APOL1: variants seen among roughly 807,000 people sequenced by gnomAD.
The protein encoded by APOL1 is apolipoprotein L1.
In APOL1, 17 loss-of-function variants were observed where a neutral mutation model predicts 14.9. That is an observed-to-expected ratio of 1.14 (90% CI 0.78 to 1.71). The LOEUF (loss-of-function observed/expected upper bound fraction) is 1.71. APOL1 is among the 40% of genes most tolerant of loss of function. The pLI is 0.00. For synonymous variants in APOL1, 195 were observed against 184.8 expected (o/e 1.05, Z -0.45); for missense variants, 523 against 485.9 (o/e 1.08, Z -0.72).
At chr22:36,257,230 A>T in intron 3 of APOL1, 89 bp from the exon 4 acceptor site, 1 of 1,604,430 alleles carries the variant, frequency 6.2e-7, no homozygotes, top group East Asian at 2.2e-5. Flanking sequence ...CCCCAGAGAG[A>T]TTTGCAGAGC....
chr22:36,264,640 A>G (rs1248952702), intron 5 of APOL1, among the ~76,000 whole-genome samples: 1 of 152,134 alleles, frequency 6.6e-6, no homozygotes, highest in Non-Finnish European at 1.5e-5. Flanking sequence ...TTATTTCCAT[A>G]TGGAATAAAT....
chr22:36,263,387 G>A (rs1221397292), intron 5 of APOL1, among the ~76,000 whole-genome samples: 1 of 152,242 alleles, frequency 6.6e-6, no homozygotes, highest in African/African-American at 2.4e-5. Flanking sequence ...AGACTGCAAT[G>A]TCTGAGGGCA....
At chr22:36,254,504 C>G (rs2015792505) in intron 1 of APOL1, among the ~76,000 whole-genome samples, 1 of 152,094 alleles carries the variant, frequency 6.6e-6, no homozygotes, top group African/African-American at 2.4e-5. Flanking sequence ...CAGATCTAGG[C>G]TGCAATGAGC....
chr22:36,263,981 G>T (rs1367781075), intron 5 of APOL1, among the ~76,000 whole-genome samples: 1 of 152,166 alleles, frequency 6.6e-6, no homozygotes, highest in African/African-American at 2.4e-5. Flanking sequence ...CAGACAGCAA[G>T]GGGGGAAGAC....
At chr22:36,257,593 C>G (rs564538422) in intron 4 of APOL1, 186 bp downstream of exon 4, 1 of 640,946 alleles carries the variant, frequency 1.6e-6, no homozygotes, top group South Asian at 1.8e-5. Flanking sequence ...TGCATCCTGA[C>G]CTCTCCTTAG....
intron 5 of APOL1, among the ~76,000 whole-genome samples, chr22:36,263,054 T>G (rs1363585021): frequency 6.6e-6 from 1 of 152,208 alleles, no homozygotes. Context: ...TCCATAAAAT[T>G]GCAAATGGCC....
chr22:36,264,367 G>T (rs1252943128), intron 5 of APOL1, among the ~76,000 whole-genome samples: 4 of 152,152 alleles, frequency 2.6e-5, no homozygotes, highest in African/African-American at 9.7e-5. Flanking sequence ...TTCCTACCAG[G>T]CAGGACATTC....
In APOL1 at chr22:36,266,552, G is replaced by A. The variant is rs542285987; in HGVS notation, c.*519G>A. The A allele has an allele frequency of 9.8e-4, 391 of 399,468 alleles. 2 individuals carry two copies. The highest frequency in any genetic ancestry group is 7.5e-3 in the South Asian group (59 of 7,874). 24.7% of individuals were successfully genotyped at this position (399,468 alleles called of 1,614,324 possible). ...CAGGAACATTGGAGCCTGCAATAAG[G>A]GAAAAATGGGAACTGGAGAGTGTGG... On this transcript the variant is annotated 3_prime_UTR_variant, in exon 6 of 6. Coordinates refer to ENST00000397278, the MANE Select transcript of APOL1 (RefSeq NM_003661.4).
Position 36,265,137 on chromosome 22 carries a change from CT to C in APOL1, c.315-11del, listed in dbSNP as rs2016194161. The C allele has an allele frequency of 6.2e-7, 1 of 1,613,452 alleles. No individual in the cohort carries two copies. Among genetic ancestry groups the C allele is most frequent in the Non-Finnish European group, 8.5e-7 (1 of 1,179,818 alleles). ...AAACTGCATTTCTTAATCCTTTAAC[CT>C]TTCCTTGTGCAGGAATGAGGCAGAT... On this transcript the variant is annotated splice_polypyrimidine_tract_variant and intron_variant, in intron 5 of 5. Coordinates refer to ENST00000397278, the MANE Select transcript of APOL1 (RefSeq NM_003661.4).
rs182856542 is a variant in APOL1, at chr22:36,266,107, T to C, written c.*74T>C. On this transcript the variant is annotated 3_prime_UTR_variant, in exon 6 of 6. Transcript: ENST00000397278. The stretch of plus-strand genomic sequence containing the variant: ...GACAAAATGCAAACTTTTTTTTTTT[T>C]CTGAGACAGAGTCTTGCTCTGTCGC... 2.6e-3 allele frequency: 3,801 copies of C among 1,455,126 alleles called. 11 individuals are homozygous for C. Among genetic ancestry groups the C allele is most frequent in the South Asian group, 8.9e-3 (640 of 71,728 alleles). 90.1% of individuals were successfully genotyped at this position (1,455,126 alleles called of 1,614,324 possible).
chr22:36,264,569 T>C (rs2016172508), intron 5 of APOL1, among the ~76,000 whole-genome samples: 1 of 152,128 alleles, frequency 6.6e-6, no homozygotes, highest in Admixed American at 6.5e-5. Context: ...TGCCCTTGAA[T>C]GAGGAGGCAT....
At chr22:36,259,989 T>C in intron 4 of APOL1, 1 of 1,152,768 alleles carries the variant, frequency 8.7e-7, no homozygotes, top group Non-Finnish European at 1.1e-6. Context: ...GTTAAGGAGT[T>C]TAAGGAGAAT....
intron 2 of APOL1, 77 bp from the exon 3 acceptor site, chr22:36,257,006 G>A: frequency 6.6e-7 from 1 of 1,509,816 alleles, no homozygotes; most frequent in Non-Finnish European, 9.1e-7. Flanking sequence ...CTCTATTTCT[G>A]TGTATAGACT....
In APOL1 at chr22:36,266,226, G is replaced by T. The variant is rs2016257406; in HGVS notation, c.*193G>T. On this transcript the variant is annotated 3_prime_UTR_variant, in exon 6 of 6. Transcript: ENST00000397278. ...CTGCCTTGGCCTCCCAAGTAGCTGG[G>T]ACTACAGGCGCCTACCACCATGCCC... 2 of 572,242 alleles carry T rather than the reference G, an allele frequency of 3.5e-6. No homozygotes were observed. The highest frequency in any genetic ancestry group is 5.5e-5 in the South Asian group (2 of 36,264). The allele number at this position is 572,242 out of a possible 1,614,324, so 35.4% of individuals were successfully genotyped here.
Position 36,265,892 on chromosome 22 carries a change from C to T in APOL1, c.1056C>T (p.Leu352=), listed in dbSNP as rs149021458. 9.9e-6 allele frequency: 16 copies of T among 1,614,004 alleles called. No homozygotes were observed. Among genetic ancestry groups the T allele is most frequent in the African/African-American group, 5.3e-5 (4 of 74,890 alleles). Residue 352 remains leucine (L), a synonymous_variant, in exon 6 of 6, where the codon CTC becomes CTT. Coordinates refer to ENST00000397278, the MANE Select transcript of APOL1 (RefSeq NM_003661.4). The part of the protein sequence containing the change: ...SFFLVLDVVY[L]VYESKHLHEG... ...TTCTTGTGCTGGATGTAGTCTACCT[C>T]GTGTACGAATCAAAGCACTTACATG...
chr22:36,259,888 C>A (rs1332254802), intron 4 of APOL1: 9 of 1,302,710 alleles, frequency 6.9e-6, no homozygotes, highest in Non-Finnish European at 9.1e-6. Flanking sequence ...GAGTTTGAGA[C>A]ATTATTTTTA....
Position 36,266,801 on chromosome 22 carries a change from C to A in APOL1, c.*768C>A, listed in dbSNP as rs900734009. ...GCGCCTGTAGTTCCAGCTAACTGGGCGGCTGAGGCAGGAGAATGGCGTGAA... is the reference window on the plus strand; with the variant it reads ...GCGCCTGTAGTTCCAGCTAACTGGGAGGCTGAGGCAGGAGAATGGCGTGAA... On this transcript the variant is annotated 3_prime_UTR_variant, in exon 6 of 6. Coordinates refer to ENST00000397278, the MANE Select transcript of APOL1 (RefSeq NM_003661.4). The A allele has an allele frequency of 6.2e-5, 17 of 276,170 alleles. No homozygotes were observed. In the East Asian group the frequency reaches 6.9e-4, roughly 11 times the overall value. The allele number at this position is 276,170 out of a possible 1,614,324, so 17.1% of individuals were successfully genotyped here.
rs1603482205 is a variant in APOL1 at position 36,263,730 on chromosome 22, CT to C, written c.315-1415del. Among the ~76,000 whole-genome samples, 3 of 152,266 alleles carry C rather than the reference CT, an allele frequency of 2.0e-5. No homozygotes were observed. The East Asian group carries it at 5.8e-4, about 29-fold the overall frequency. Reference sequence around the variant, plus strand: ...AATCACATTAAACCAGAAATGAAGCCTTTTTTCAGGATTGTTGTTACAGGGG... The same window carrying C: ...AATCACATTAAACCAGAAATGAAGCCTTTTTCAGGATTGTTGTTACAGGGG... On this transcript the variant is annotated intron_variant, in intron 5 of 5. Coordinates refer to ENST00000397278, the MANE Select transcript of APOL1 (RefSeq NM_003661.4).
At chr22:36,263,351 T>A (rs2016134835) in intron 5 of APOL1, among the ~76,000 whole-genome samples, 1 of 152,222 alleles carries the variant, frequency 6.6e-6, no homozygotes, top group African/African-American at 2.4e-5. Flanking sequence ...TGTTTTTGTT[T>A]GAATTCAAAG....
Sources: allele counts gnomAD v4.1 joint callset (sites outside exome capture counted in the v4.1 genomes callset), GRCh38; gene constraint gnomAD v4.1.1; transcripts MANE v1.5; gene names NCBI Gene and HGNC (gene_info 2026-07-23, HGNC 2026-07-21).